The following BTF3L4 variants were observed in gnomAD, a reference collection of about 807,000 sequenced individuals.
The protein encoded by BTF3L4 is transcription factor BTF3 homolog 4.
Under a neutral mutation model 16.8 loss-of-function variants are expected in BTF3L4, and 6 were observed. The observed-to-expected ratio is 0.36, with a 90% CI of 0.20 to 0.71. The LOEUF (loss-of-function observed/expected upper bound fraction) is 0.71. Among genes scored for constraint, BTF3L4 ranks in the 30% least tolerant of loss-of-function variants. The pLI is 0.58. For synonymous variants in BTF3L4, 39 were observed against 59.8 expected, an observed-to-expected ratio of 0.65 and a Z score of 1.60; for missense variants, 92 against 186.9, an observed-to-expected ratio of 0.49 and a Z score of 2.96.
At chr1:52,081,425 G>A (rs989211717) in intron 3 of BTF3L4, among the ~76,000 whole-genome samples, 4 of 152,116 alleles carry the variant, frequency 2.6e-5, no homozygotes. Context: ...CACCTGGCCT[G>A]AAATCCTCTT....
At chr1:52,070,262 T>C (rs1268346940) in intron 3 of BTF3L4, among the ~76,000 whole-genome samples, 1 of 151,536 alleles carries the variant, frequency 6.6e-6, no homozygotes, top group Non-Finnish European at 1.5e-5. Context: ...CAAGCTTCTC[T>C]GACCTTCTTT....
chr1:52,058,083 A>C (rs749048414), intron 1 of BTF3L4, among the ~76,000 whole-genome samples: 1 of 152,092 alleles, frequency 6.6e-6, no homozygotes, highest in Non-Finnish European at 1.5e-5. Flanking sequence ...CTACACTCTC[A>C]TGGCCACATT....
chr1:52,077,478 G>A (rs1394061541), intron 3 of BTF3L4, among the ~76,000 whole-genome samples: 1 of 152,182 alleles, frequency 6.6e-6, no homozygotes, highest in African/African-American at 2.4e-5. Flanking sequence ...GGAAGCAGAT[G>A]TTGCAGTGAG....
chr1:52,072,118 G>A (rs977818432), intron 3 of BTF3L4, among the ~76,000 whole-genome samples: 4 of 150,732 alleles, frequency 2.7e-5, no homozygotes, highest in African/African-American at 4.9e-5. Context: ...GCAGTGGTGC[G>A]ATCTCGGCTC....
At chr1:52,067,814 T>C (rs981526837) in intron 3 of BTF3L4, among the ~76,000 whole-genome samples, 3 of 152,224 alleles carry the variant, frequency 2.0e-5, no homozygotes, top group African/African-American at 7.2e-5. Context: ...CGATAATTCT[T>C]TGCTGTGAGA....
chr1:52,071,223 T>C (rs931030001), intron 3 of BTF3L4: 3 of 152,204 alleles, frequency 2.0e-5, no homozygotes, highest in African/African-American at 7.2e-5. Flanking sequence ...GATGCCCTAA[T>C]TGTTCCAAGT....
At chr1:52,057,437 G>A (rs373192237) in intron 1 of BTF3L4, among the ~76,000 whole-genome samples, 24 of 152,320 alleles carry the variant, frequency 1.6e-4, no homozygotes, top group African/African-American at 5.5e-4. Context: ...TCCCTTTTGG[G>A]CCTAGGAAGG....
intron 3 of BTF3L4, among the ~76,000 whole-genome samples, chr1:52,072,454 T>C (rs1686814363): frequency 6.6e-6 from 1 of 152,182 alleles, no homozygotes; most frequent in African/African-American, 2.4e-5. Flanking sequence ...AACTGAAACT[T>C]GATACCCATT....
chr1:52,086,034 G>GA, intron 4 of BTF3L4, 78 bp from the exon 5 acceptor site: 2 of 937,034 alleles, frequency 2.1e-6, no homozygotes, highest in Non-Finnish European at 3.2e-6. Flanking sequence ...ATTTATACAG[G>GA]AAAAAAGGGA....
At chr1:52,057,326 A>G (rs376450320) in intron 1 of BTF3L4, among the ~76,000 whole-genome samples, 24 of 152,326 alleles carry the variant, frequency 1.6e-4, no homozygotes, top group African/African-American at 5.5e-4. Flanking sequence ...ATAAATATAA[A>G]CCTGTTTACA....
chr1:52,083,745 C>T (rs140997913), intron 4 of BTF3L4, among the ~76,000 whole-genome samples: 125 of 152,118 alleles, frequency 8.2e-4, no homozygotes, highest in African/African-American at 2.8e-3. Context: ...CATGGCTGGG[C>T]GTGGTGGCTC....
At chr1:52,061,727 G>A (rs1324056228) in intron 2 of BTF3L4, among the ~76,000 whole-genome samples, 2 of 133,078 alleles carry the variant, frequency 1.5e-5, no homozygotes, top group Non-Finnish European at 3.1e-5. Flanking sequence ...TGCAACCTCC[G>A]CCTCCTGGAT....
intron 3 of BTF3L4, among the ~76,000 whole-genome samples, chr1:52,082,683 G>A (rs1643935356): frequency 6.6e-6 from 1 of 151,236 alleles, no homozygotes. Context: ...AGGCTGCAGT[G>A]AACCGAGGTC....
intron 2 of BTF3L4, chr1:52,060,385 G>A (rs1189410725): frequency 9.7e-7 from 1 of 1,029,190 alleles, no homozygotes; most frequent in African/African-American, 1.7e-5. Context: ...CAGAGGTTTA[G>A]CTGGAGATGC....
At chr1:52,076,593 CAAAA>C (rs71579904) in intron 3 of BTF3L4, among the ~76,000 whole-genome samples, 1 of 87,628 alleles carries the variant, frequency 1.1e-5, no homozygotes, top group Admixed American at 1.3e-4. Context: ...GATTCTGTCT[CAAAA>C]AAAAAAAAAA....
intron 3 of BTF3L4, among the ~76,000 whole-genome samples, chr1:52,070,195 C>T (rs1408335811): frequency 8.6e-5 from 12 of 139,594 alleles, no homozygotes; most frequent in South Asian, 2.4e-4. Flanking sequence ...CTAGCCTGGG[C>T]GACAGAGCAA....
chr1:52,086,662 T>G lies in BTF3L4; in HGVS notation c.431-50T>G, dbSNP rs757565345. On this transcript the variant is annotated intron_variant, in intron 5 of 5. Transcript: ENST00000313334. The stretch of plus-strand genomic sequence containing the variant: ...GAAGTTAGGAGTTCCATTTACCTCT[T>G]TTTCCTTTTTTGTATTCTTTGATTC... 9.5e-6 allele frequency: 12 copies of G among 1,262,986 alleles called. No individual in the cohort carries two copies. The South Asian group carries it at 1.3e-4, about 14-fold the overall frequency. The allele number at this position is 1,262,986 out of a possible 1,614,324, so 78.2% of individuals were successfully genotyped here.
intron 3 of BTF3L4, 97 bp from the exon 4 acceptor site, chr1:52,083,243 C>G: frequency 1.0e-6 from 1 of 986,788 alleles, no homozygotes; most frequent in Non-Finnish European, 1.5e-6. Flanking sequence ...ACATAACTAC[C>G]AAGTAAAGAA....
intron 3 of BTF3L4, among the ~76,000 whole-genome samples, chr1:52,080,519 G>GTTTTTTTTTT (rs753783341): frequency 2.8e-5 from 2 of 70,232 alleles, no homozygotes; most frequent in East Asian, 5.0e-4. Flanking sequence ...GGTTTTTTGG[G>GTTTTTTTTTT]TTTTTTTTTT....
Sources: allele counts gnomAD v4.1 joint callset (sites outside exome capture counted in the v4.1 genomes callset), GRCh38; gene constraint gnomAD v4.1.1; transcripts MANE v1.5; gene names NCBI Gene and HGNC (gene_info 2026-07-23, HGNC 2026-07-21).